The following MAST4 variants were observed in gnomAD, a reference collection of about 807,000 sequenced individuals.
MAST4 encodes microtubule associated serine/threonine kinase family member 4, also known as microtubule-associated serine/threonine-protein kinase 4.
MAST4 carries 89 observed loss-of-function variants against 162.7 expected under a neutral mutation model. That is an observed-to-expected ratio of 0.55 (90% confidence interval 0.46 to 0.65). The LOEUF (loss-of-function observed/expected upper bound fraction) is 0.65, where lower values mean the gene tolerates loss of function less well. MAST4 is among the 30% of genes least tolerant of loss of function. The pLI is 0.00. For synonymous variants in MAST4, 1,479 were observed against 1,361.1 expected (o/e 1.09, Z -1.91); for missense variants, 3,153 against 3,374.0 (o/e 0.93, Z 1.62).
intron 4 of MAST4, among the ~76,000 whole-genome samples, chr5:66,941,480 C>A (rs1436231989): frequency 6.6e-6 from 1 of 152,146 alleles, no homozygotes; most frequent in East Asian, 1.9e-4. Flanking sequence ...TCTTAGCTCT[C>A]GTAGAATTGA....
intron 3 of MAST4, among the ~76,000 whole-genome samples, chr5:66,883,716 C>T (rs1026603612): frequency 8.5e-5 from 13 of 152,128 alleles, no homozygotes; most frequent in Admixed American, 2.6e-4. Context: ...CATGAGCCAC[C>T]GCGCCCGGCT....
At position 66,758,530 on chromosome 5, in the gene MAST4, C is replaced by T. The variant is rs115676266; in HGVS notation, c.364-1179C>T. Reference sequence around the variant, plus strand: ...CTCCTGGACTCAAGAGAGTCTCCTGCCTTGGCTTCCCAAAATGCTAGGATT... The same window carrying T: ...CTCCTGGACTCAAGAGAGTCTCCTGTCTTGGCTTCCCAAAATGCTAGGATT... On this transcript the variant is annotated intron_variant, in intron 1 of 28. Coordinates refer to ENST00000403625, the MANE Select transcript of MAST4 (RefSeq NM_001164664.2). 4.7e-3 allele frequency among the ~76,000 whole-genome samples: 710 copies of T among 152,212 alleles called. 6 individuals carry two copies. The highest frequency in any genetic ancestry group is 0.017 in the African/African-American group (691 of 41,530).
At chr5:67,161,580 A>G (rs1046237621) in intron 27 of MAST4, among the ~76,000 whole-genome samples, 5 of 152,248 alleles carry the variant, frequency 3.3e-5, no homozygotes, top group African/African-American at 9.6e-5. Context: ...AAAAAATAGC[A>G]GTGTACAAAC....
intron 3 of MAST4, among the ~76,000 whole-genome samples, chr5:66,838,716 C>T (rs1169651474): frequency 6.6e-6 from 1 of 152,134 alleles, no homozygotes; most frequent in Non-Finnish European, 1.5e-5. Context: ...ACTGATTAGG[C>T]AAGATGAGGA....
Position 67,168,664 on chromosome 5 carries a change from G to T in MAST4, c.*1613G>T, listed in dbSNP as rs1227331337. ...CAGAATTTTTTGTTTGGTTTTGTAAGAGAAAAAAAATTACCAATAAATAAC... is the reference window on the plus strand; with the variant it reads ...CAGAATTTTTTGTTTGGTTTTGTAATAGAAAAAAAATTACCAATAAATAAC... On this transcript the variant is annotated 3_prime_UTR_variant, in exon 29 of 29. Transcript: ENST00000403625. The T allele has an allele frequency of 6.6e-6, 1 of 152,008 alleles. No homozygotes were observed. Among genetic ancestry groups the T allele is most frequent in the Non-Finnish European group, 1.5e-5 (1 of 67,976 alleles). 9.4% of individuals were successfully genotyped at this position (152,008 alleles called of 1,614,324 possible).
chr5:67,070,403 T>G (rs557479161), intron 5 of MAST4, among the ~76,000 whole-genome samples: 1 of 152,312 alleles, frequency 6.6e-6, no homozygotes, highest in South Asian at 2.1e-4. Flanking sequence ...GATGTGGGCT[T>G]TAACTATTTC....
At chr5:66,606,801 G>A (rs766907459) in intron 1 of MAST4, among the ~76,000 whole-genome samples, 1 of 152,146 alleles carries the variant, frequency 6.6e-6, no homozygotes, top group African/African-American at 2.4e-5. Flanking sequence ...ACACAAAATC[G>A]CACTTGAGAC....
intron 3 of MAST4, among the ~76,000 whole-genome samples, chr5:66,812,531 G>A (rs1039630317): frequency 5.3e-5 from 8 of 152,190 alleles, no homozygotes; most frequent in Admixed American, 4.6e-4. Context: ...GGCTCCGATA[G>A]AACCTGTGTT....
chr5:66,787,899 C>A (rs778647879), intron 2 of MAST4, among the ~76,000 whole-genome samples: 1 of 152,144 alleles, frequency 6.6e-6, no homozygotes, highest in East Asian at 1.9e-4. Flanking sequence ...ACCTTTATTG[C>A]TATATGAATA....
Position 66,805,733 on chromosome 5 carries a change from C to T in MAST4, c.642+16939C>T, listed in dbSNP as rs377278718. On this transcript the variant is annotated intron_variant, in intron 3 of 28. Transcript: ENST00000403625. ...ACATAACCCTGGACCTTGTTGTTTCCTGGAGCAGAACTCAATGATGACTGA... is the reference window on the plus strand; with the variant it reads ...ACATAACCCTGGACCTTGTTGTTTCTTGGAGCAGAACTCAATGATGACTGA... Among the ~76,000 whole-genome samples, 9 of 152,240 alleles carry T rather than the reference C, an allele frequency of 5.9e-5. No individual in the cohort carries two copies. The East Asian group carries it at 7.7e-4, about 13-fold the overall frequency.
At chr5:66,815,609 C>A (rs375400490) in intron 3 of MAST4, among the ~76,000 whole-genome samples, 1 of 152,106 alleles carries the variant, frequency 6.6e-6, no homozygotes, top group Admixed American at 6.6e-5. Context: ...AGACAAATAA[C>A]GTTTTTAAAA....
Position 66,687,651 on chromosome 5 carries a change from T to G in MAST4, c.364-72058T>G, listed in dbSNP as rs866231497. The stretch of plus-strand genomic sequence containing the variant: ...GTGTGTGTGTTTATCTATCTATCTA[T>G]CTATCTATCTATCTATCTATCTATC... On this transcript the variant is annotated intron_variant, in intron 1 of 28. Transcript: ENST00000403625. Among the ~76,000 whole-genome samples, 1,256 of 146,774 alleles carry G rather than the reference T, an allele frequency of 8.6e-3. 17 individuals carry two copies. Among genetic ancestry groups the G allele is most frequent in the African/African-American group, 0.031 (1,156 of 36,782 alleles).
At chr5:66,980,909 G>C (rs894284398) in intron 4 of MAST4, among the ~76,000 whole-genome samples, 4 of 152,176 alleles carry the variant, frequency 2.6e-5, no homozygotes, top group African/African-American at 9.7e-5. Context: ...AAGAGCCTGA[G>C]GACTGGCAGT....
At chr5:66,809,973 C>A (rs1756398248) in intron 3 of MAST4, among the ~76,000 whole-genome samples, 1 of 152,168 alleles carries the variant, frequency 6.6e-6, no homozygotes, top group Admixed American at 6.5e-5. Flanking sequence ...CTGAAGATCT[C>A]TTATGGTAGT....
Position 67,162,646 on chromosome 5 carries a change from T to C in MAST4, c.3825T>C (p.Ser1275=). The change falls in exon 28 of 29, where the codon TCT becomes TCC. Residue 1275 remains serine (S), a synonymous_variant. Coordinates refer to ENST00000403625, the MANE Select transcript of MAST4 (RefSeq NM_001164664.2). ...SLFKKLAKQP[S]PLLHTSRSFS... ...TCAAAAAGCTAGCCAAGCAGCCTTC[T>C]CCTTTACTCCACACCAGCCGAAGTT... The C allele has an allele frequency of 6.2e-7, 1 of 1,613,938 alleles. No individual in the cohort carries two copies. Among genetic ancestry groups the C allele is most frequent in the Non-Finnish European group, 8.5e-7 (1 of 1,179,864 alleles).
chr5:67,110,648 A>T (rs1766125322), intron 11 of MAST4, among the ~76,000 whole-genome samples: 1 of 152,246 alleles, frequency 6.6e-6, no homozygotes, highest in Admixed American at 6.5e-5. Context: ...GATGCTAACC[A>T]TCCCATTTGG....
At chr5:66,682,998 AG>A (rs1441905913) in intron 1 of MAST4, among the ~76,000 whole-genome samples, 1 of 152,182 alleles carries the variant, frequency 6.6e-6, no homozygotes, top group Non-Finnish European at 1.5e-5. Flanking sequence ...GGGCAGGCGA[AG>A]GGGTGGTGGG....
At chr5:66,625,756 A>G (rs1261588713) in intron 1 of MAST4, among the ~76,000 whole-genome samples, 1 of 152,226 alleles carries the variant, frequency 6.6e-6, no homozygotes, top group Non-Finnish European at 1.5e-5. Flanking sequence ...TAAAAAAGGA[A>G]GCACCATAGG....
intron 4 of MAST4, among the ~76,000 whole-genome samples, chr5:66,952,480 ATC>A (rs1222245058): frequency 6.6e-6 from 1 of 152,058 alleles, no homozygotes; most frequent in African/African-American, 2.4e-5. Flanking sequence ...CCAAAATTAT[ATC>A]TGTTTCTTAC....
Sources: allele counts gnomAD v4.1 joint callset (sites outside exome capture counted in the v4.1 genomes callset), GRCh38; gene constraint gnomAD v4.1.1; transcripts MANE v1.5; gene names NCBI Gene and HGNC (gene_info 2026-07-23, HGNC 2026-07-21).